The following EDARADD variants were observed in gnomAD, a reference collection of about 807,000 sequenced individuals.
The protein encoded by EDARADD is EDAR associated via death domain, also known as ectodysplasin-A receptor-associated adapter protein.
EDARADD carries 20 observed loss-of-function variants against 25.6 expected under a neutral mutation model. The observed-to-expected ratio is 0.78, with a 90% confidence interval of 0.55 to 1.14. The LOEUF (loss-of-function observed/expected upper bound fraction) is 1.14. Among genes scored for constraint, EDARADD ranks in the 50% most tolerant of loss-of-function variants. The probability of loss-of-function intolerance (pLI) is 0.00; values close to 1 mark genes in which losing one functional copy is unlikely to be tolerated. For synonymous variants in EDARADD, 86 were observed against 94.4 expected (o/e 0.91, Z 0.52); for missense variants, 225 against 270.1 (o/e 0.83, Z 1.17).
chr1:236,356,475 T>A, intron 3 of EDARADD, among the ~76,000 whole-genome samples: 1 of 152,224 alleles, frequency 6.6e-6, no homozygotes, highest in Non-Finnish European at 1.5e-5. Context: ...TGAGTATCAG[T>A]GTTCTTGCAG....
At chr1:236,466,090 T>C (rs1330595454) in intron 4 of EDARADD, among the ~76,000 whole-genome samples, 1 of 152,154 alleles carries the variant, frequency 6.6e-6, no homozygotes, top group Non-Finnish European at 1.5e-5. Flanking sequence ...ACAAAATCTG[T>C]CAAGTTCTAA....
intron 4 of EDARADD, among the ~76,000 whole-genome samples, chr1:236,447,212 CTTT>C (rs199780314): frequency 3.4e-4 from 10 of 29,442 alleles, no homozygotes; most frequent in Admixed American, 1.0e-3. Flanking sequence ...TTCTTTCTTT[CTTT>C]CTTTCTTTCC....
At chr1:236,423,263 A>G (rs1232924870) in intron 3 of EDARADD, among the ~76,000 whole-genome samples, 1 of 152,098 alleles carries the variant, frequency 6.6e-6, no homozygotes, top group African/African-American at 2.4e-5. Flanking sequence ...CTAAAAATAT[A>G]CTAGACTTGT....
chr1:236,377,281 G>C (rs566056971), intron 3 of EDARADD, among the ~76,000 whole-genome samples: 1 of 150,594 alleles, frequency 6.6e-6, no homozygotes, highest in South Asian at 2.1e-4. Context: ...TCAGCCCCCC[G>C]AGTAGTTGGG....
Position 236,484,572 on chromosome 1 carries a change from C to A in EDARADD, c.*1923C>A. The A allele has an allele frequency of 1.1e-6, 1 of 880,892 alleles. No homozygotes were observed. The highest frequency in any genetic ancestry group is 1.8e-6 in the Non-Finnish European group (1 of 558,518). The allele number at this position is 880,892 out of a possible 1,614,324, so 54.6% of individuals were successfully genotyped here. On this transcript the variant is annotated 3_prime_UTR_variant, in exon 6 of 6. Transcript: ENST00000334232. This position sits in a 1 kb window ranked among gnomAD's most constrained non-coding sequence, Gnocchi z 4.1. Reference sequence around the variant, plus strand: ...ACCCCCGAGCAACATTTGTAGGGGCCGCTGCTAGTTAGCTACCCTTGCCCA... The same window carrying A: ...ACCCCCGAGCAACATTTGTAGGGGCAGCTGCTAGTTAGCTACCCTTGCCCA...
intron 4 of EDARADD, among the ~76,000 whole-genome samples, chr1:236,440,715 A>T (rs1363540534): frequency 6.6e-6 from 1 of 152,010 alleles, no homozygotes; most frequent in African/African-American, 2.4e-5. Flanking sequence ...GGTATTTGTT[A>T]TGATGATCTG....
chr1:236,409,523 G>A (rs1335960166), intron 2 of EDARADD, among the ~76,000 whole-genome samples: 3 of 151,800 alleles, frequency 2.0e-5, no homozygotes, highest in African/African-American at 7.3e-5. Flanking sequence ...CATTATGTGA[G>A]GGCTTTACCC....
chr1:236,352,995 G>T (rs1666934109), intron 3 of EDARADD, among the ~76,000 whole-genome samples: 1 of 147,974 alleles, frequency 6.8e-6, no homozygotes, highest in Non-Finnish European at 1.5e-5. Flanking sequence ...GGGCAACAGA[G>T]CAAGACTCCG....
intron 4 of EDARADD, among the ~76,000 whole-genome samples, chr1:236,456,526 C>T (rs1658869060): frequency 6.6e-6 from 1 of 152,148 alleles, no homozygotes; most frequent in African/African-American, 2.4e-5. Flanking sequence ...ATTTCCCTTC[C>T]TCGGCCTGTG....
chr1:236,420,101 G>A (rs1306321795), intron 3 of EDARADD, among the ~76,000 whole-genome samples: 2 of 152,178 alleles, frequency 1.3e-5, no homozygotes, highest in Non-Finnish European at 2.9e-5. Context: ...CACGAGAATC[G>A]CTTGAACCTG....
chr1:236,437,464 T>C (rs757353388), intron 4 of EDARADD, among the ~76,000 whole-genome samples: 3 of 152,028 alleles, frequency 2.0e-5, no homozygotes, highest in Non-Finnish European at 2.9e-5. Context: ...AAGGTCATCC[T>C]AGCAGGGGAT....
chr1:236,435,031 G>A (rs572754520), intron 4 of EDARADD, among the ~76,000 whole-genome samples: 6 of 152,294 alleles, frequency 3.9e-5, no homozygotes, highest in African/African-American at 7.2e-5. Flanking sequence ...GGGTATGTGA[G>A]ATTTGTTGTG....
rs772799912 is a variant in EDARADD at position 236,395,663 on chromosome 1, A to T, written c.61+1158A>T. On this transcript the variant is annotated intron_variant, in intron 1 of 5. Coordinates refer to ENST00000334232, the MANE Select transcript of EDARADD (RefSeq NM_145861.4). The surrounding 1 kb of genome is among the most constrained non-coding windows in gnomAD (Gnocchi z 6.9). ...ACCGGACGACCCTCTGCGCGCAGGTAAAGGGACACAGCGCCGCGCCCGCTC... is the reference window on the plus strand; with the variant it reads ...ACCGGACGACCCTCTGCGCGCAGGTTAAGGGACACAGCGCCGCGCCCGCTC... 1 of 1,573,110 alleles carries T rather than the reference A, an allele frequency of 6.4e-7. No homozygotes were observed. Among genetic ancestry groups the T allele is most frequent in the Admixed American group, 1.8e-5 (1 of 55,436 alleles).
chr1:236,400,761 C>G (rs536914026), intron 1 of EDARADD, among the ~76,000 whole-genome samples: 2 of 130,976 alleles, frequency 1.5e-5, no homozygotes, highest in Admixed American at 1.8e-4. Context: ...GAGATGGGGT[C>G]TCGCCATATT....
chr1:236,364,992 C>T (rs1338013078), intron 3 of EDARADD, among the ~76,000 whole-genome samples: 1 of 152,080 alleles, frequency 6.6e-6, no homozygotes, highest in Non-Finnish European at 1.5e-5. Context: ...CATTTTTCAC[C>T]ACTGAGTATA....
intron 5 of EDARADD, among the ~76,000 whole-genome samples, chr1:236,473,602 A>AC (rs529654372): frequency 7.2e-4 from 109 of 151,884 alleles, no homozygotes; most frequent in African/African-American, 2.2e-3. Context: ...ACATAGTGAG[A>AC]CCCCTCCCCC....
At chr1:236,420,309 G>A (rs1230207264) in intron 3 of EDARADD, among the ~76,000 whole-genome samples, 1 of 152,122 alleles carries the variant, frequency 6.6e-6, no homozygotes, top group Non-Finnish European at 1.5e-5. Context: ...TGTATTTAAG[G>A]CTAAATAACT....
intron 3 of EDARADD, among the ~76,000 whole-genome samples, chr1:236,364,533 G>A (rs985675950): frequency 9.2e-5 from 14 of 152,284 alleles, no homozygotes; most frequent in African/African-American, 2.9e-4. Context: ...CATGAACAAG[G>A]TATACTTCAC....
At chr1:236,437,149 A>G (rs1658276640) in intron 4 of EDARADD, among the ~76,000 whole-genome samples, 1 of 152,234 alleles carries the variant, frequency 6.6e-6, no homozygotes, top group Admixed American at 6.5e-5. Context: ...AGGCAAGTAC[A>G]CTAAGAAAAT....
Sources: allele counts gnomAD v4.1 joint callset (sites outside exome capture counted in the v4.1 genomes callset), GRCh38; gene constraint gnomAD v4.1.1; non-coding constraint Gnocchi (gnomAD v3.1); transcripts MANE v1.5; gene names NCBI Gene and HGNC (gene_info 2026-07-23, HGNC 2026-07-21).